SLC35A1: variants seen among roughly 807,000 people sequenced by gnomAD.
SLC35A1 encodes the protein solute carrier family 35 member A1, also known as CMP-sialic acid transporter.
In SLC35A1, 21 loss-of-function variants were observed where a neutral mutation model predicts 40.3. The observed-to-expected ratio is 0.52, with a 90% confidence interval of 0.37 to 0.75. The LOEUF is 0.75. Ranked by LOEUF, SLC35A1 falls within the 30% of genes least tolerant of loss-of-function variation. The pLI is 0.00. For synonymous variants in SLC35A1, 146 were observed against 147.3 expected (o/e 0.99, Z 0.06); for missense variants, 297 against 382.1 (o/e 0.78, Z 1.86).
intron 2 of SLC35A1, among the ~76,000 whole-genome samples, chr6:87,495,056 G>A (rs1242495813): frequency 1.3e-5 from 2 of 151,856 alleles, no homozygotes; most frequent in African/African-American, 4.8e-5. Flanking sequence ...TGCAACCATC[G>A]CTTCCTGGGC....
chr6:87,508,494 G>C lies in SLC35A1; in HGVS notation c.649G>C (p.Gly217Arg), dbSNP rs770224562. The change falls in exon 6 of 8, where the codon GGG (glycine) becomes CGG (arginine). Residue 217 changes from glycine (G) to arginine (R), a missense_variant. Gly to Arg is a moderately radical substitution (Grantham distance 125). Transcript: ENST00000369552. ...GAGAAACATTCAAATGTATCTATCA[G>C]GGATTATTGTGACATTAGCTGGCGT... ...WVRNIQMYLS[G>R]IIVTLAGVYL... The C allele has an allele frequency of 2.5e-6, 4 of 1,612,580 alleles. No homozygotes were observed. The highest frequency in any genetic ancestry group is 3.4e-6 in the Non-Finnish European group (4 of 1,179,112).
At chr6:87,502,815 G>C (rs1769960811) in intron 4 of SLC35A1, among the ~76,000 whole-genome samples, 1 of 152,074 alleles carries the variant, frequency 6.6e-6, no homozygotes, top group South Asian at 2.1e-4. Flanking sequence ...TCACCCCACT[G>C]TTCCCTCAAT....
intron 2 of SLC35A1, among the ~76,000 whole-genome samples, chr6:87,489,282 G>A (rs1480480258): frequency 6.6e-6 from 1 of 151,902 alleles, no homozygotes; most frequent in Non-Finnish European, 1.5e-5. Flanking sequence ...TAGGTTGTGG[G>A]GGCAAATTCC....
At chr6:87,474,618 G>C (rs1454616943) in intron 1 of SLC35A1, among the ~76,000 whole-genome samples, 1 of 152,154 alleles carries the variant, frequency 6.6e-6, no homozygotes, top group Non-Finnish European at 1.5e-5. Flanking sequence ...GCTAATAACT[G>C]AAGTTTTATA....
At position 87,512,114 on chromosome 6, in the gene SLC35A1, T is replaced by G. The variant is rs1290602082; in HGVS notation, c.*588T>G. The G allele has an allele frequency of 6.3e-6, 1 of 159,188 alleles. No homozygotes were observed. The highest frequency in any genetic ancestry group is 2.4e-5 in the African/African-American group (1 of 41,074). The allele number at this position is 159,188 out of a possible 1,614,324, so 9.9% of individuals were successfully genotyped here. On this transcript the variant is annotated 3_prime_UTR_variant, in exon 8 of 8. Transcript: ENST00000369552. ...TTCTGGGTGGTGACTGAGTACCCCT[T>G]TAGTGAGTACCCCTTTAGTGCTATA...
At chr6:87,492,446 T>C (rs1769581640) in intron 2 of SLC35A1, among the ~76,000 whole-genome samples, 1 of 152,130 alleles carries the variant, frequency 6.6e-6, no homozygotes, top group Non-Finnish European at 1.5e-5. Flanking sequence ...TTAGGGTTTT[T>C]TTGGGTCAGG....
At position 87,511,581 on chromosome 6, in the gene SLC35A1, G is replaced by T; in HGVS notation, c.*55G>T. On this transcript the variant is annotated 3_prime_UTR_variant, in exon 8 of 8. Coordinates refer to ENST00000369552, the MANE Select transcript of SLC35A1 (RefSeq NM_006416.5). The stretch of plus-strand genomic sequence containing the variant: ...ACTAAACCATTTGCATTAAACTAGA[G>T]CCTTAAGTCAATCTCAGAAGGTAGC... 2 of 1,580,144 alleles carry T rather than the reference G, an allele frequency of 1.3e-6. No individual in the cohort carries two copies. The highest frequency in any genetic ancestry group is 2.2e-5 in the South Asian group (2 of 90,184).
At chr6:87,474,523 T>C (rs909160614) in intron 1 of SLC35A1, among the ~76,000 whole-genome samples, 1 of 152,242 alleles carries the variant, frequency 6.6e-6, no homozygotes, top group Non-Finnish European at 1.5e-5. Context: ...TTATAGTTAC[T>C]GGCATTGGGT....
intron 2 of SLC35A1, among the ~76,000 whole-genome samples, chr6:87,500,125 T>C (rs187263493): frequency 1.4e-4 from 21 of 152,136 alleles, no homozygotes; most frequent in African/African-American, 2.9e-4. Flanking sequence ...AAAATAAAAA[T>C]GGATATGCAA....
In SLC35A1 at chr6:87,474,452, G is replaced by A. The variant is rs114607700; in HGVS notation, c.16+1433G>A. On this transcript the variant is annotated intron_variant, in intron 1 of 7. Coordinates refer to ENST00000369552, the MANE Select transcript of SLC35A1 (RefSeq NM_006416.5). ...ACTATATGGGAGCTAATAGAATTTC[G>A]TGAGAAGCAGGGAACAATGCAGGGT... Among the ~76,000 whole-genome samples, 846 of 152,328 alleles carry A rather than the reference G, an allele frequency of 5.6e-3. 7 individuals carry two copies. The highest frequency in any genetic ancestry group is 0.019 in the African/African-American group (799 of 41,556).
chr6:87,501,990 A>G (rs1299478556), intron 4 of SLC35A1, among the ~76,000 whole-genome samples: 4 of 152,182 alleles, frequency 2.6e-5, no homozygotes, highest in African/African-American at 4.8e-5. Context: ...AGTTTTGTGA[A>G]GGTCAGGAGT....
At chr6:87,475,886 T>A (rs1257443485) in intron 1 of SLC35A1, among the ~76,000 whole-genome samples, 1 of 152,230 alleles carries the variant, frequency 6.6e-6, no homozygotes, top group Non-Finnish European at 1.5e-5. Context: ...AAATATTTGT[T>A]TCTGGCCCTT....
At chr6:87,487,768 C>A (rs190422376) in intron 2 of SLC35A1, among the ~76,000 whole-genome samples, 1 of 152,142 alleles carries the variant, frequency 6.6e-6, no homozygotes, top group East Asian at 1.9e-4. Context: ...GATCTGAAAG[C>A]GGAAACAAGG....
intron 2 of SLC35A1, among the ~76,000 whole-genome samples, chr6:87,492,038 T>A (rs974958303): frequency 6.6e-6 from 1 of 152,190 alleles, no homozygotes; most frequent in Non-Finnish European, 1.5e-5. Flanking sequence ...ATGTATAGAA[T>A]TTTTTTCTGA....
intron 1 of SLC35A1, 35 bp downstream of exon 1, chr6:87,473,054 C>CG: frequency 2.0e-5 from 10 of 502,376 alleles, no homozygotes; most frequent in South Asian, 5.2e-5. Flanking sequence ...GGGGAGTCCG[C>CG]GGGGGGCGGC....
At chr6:87,503,856 ATT>A (rs1769996052) in intron 4 of SLC35A1, among the ~76,000 whole-genome samples, 1 of 152,218 alleles carries the variant, frequency 6.6e-6, no homozygotes, top group African/African-American at 2.4e-5. Flanking sequence ...AAGTCACACT[ATT>A]TTCCACTGAT....
chr6:87,479,189 C>G (rs1362613750), intron 2 of SLC35A1, among the ~76,000 whole-genome samples: 1 of 152,224 alleles, frequency 6.6e-6, no homozygotes, highest in South Asian at 2.1e-4. Flanking sequence ...ATCTAACAAT[C>G]CCCTCCTCTT....
intron 2 of SLC35A1, among the ~76,000 whole-genome samples, chr6:87,499,600 GAT>G (rs34216578): frequency 0.31 from 47,388 of 151,948 alleles, 7,494 homozygotes; most frequent in Admixed American, 0.41. Context: ...GTACATTAGA[GAT>G]ATAGTTTACT....
chr6:87,474,318 C>G (rs1769006098), intron 1 of SLC35A1, among the ~76,000 whole-genome samples: 1 of 152,190 alleles, frequency 6.6e-6, no homozygotes, highest in African/African-American at 2.4e-5. Flanking sequence ...TACAGAATTT[C>G]TAAGTTCTTA....
Sources: allele counts gnomAD v4.1 joint callset (sites outside exome capture counted in the v4.1 genomes callset), GRCh38; gene constraint gnomAD v4.1.1; transcripts MANE v1.5; gene names NCBI Gene and HGNC (gene_info 2026-07-23, HGNC 2026-07-21).